Variants in EXOC3L1 observed in about 807,000 individuals in gnomAD.
EXOC3L1 encodes the protein exocyst complex component 3-like protein.
Under a neutral mutation model 83.6 loss-of-function variants are expected in EXOC3L1, and 79 were observed. That is an observed-to-expected ratio of 0.95 (90% CI 0.79 to 1.14). The LOEUF is 1.14. EXOC3L1 is among the 50% of genes most tolerant of loss of function. EXOC3L1 has a pLI of 0.00. For synonymous variants in EXOC3L1, 433 were observed against 451.2 expected (o/e 0.96, Z 0.51); for missense variants, 945 against 972.0 (o/e 0.97, Z 0.37).
rs548445228 is a variant in EXOC3L1 at position 67,184,457 on chromosome 16, C to T, written c.2178G>A (p.Ala726=). 11 of 1,528,594 alleles carry T rather than the reference C, an allele frequency of 7.2e-6. No homozygotes were observed. The highest frequency in any genetic ancestry group is 1.4e-5 in the African/African-American group (1 of 71,106). The allele number at this position is 1,528,594 out of a possible 1,614,324, so 94.7% of individuals were successfully genotyped here. A position where few individuals can be genotyped will look rare whatever the true frequency, so the allele number is the denominator to read the frequency against. Residue 726 remains alanine, a synonymous_variant, in exon 14 of 14, where the codon GCG becomes GCA. Coordinates refer to ENST00000314586, the MANE Select transcript of EXOC3L1 (RefSeq NM_178516.4). ...RVLFSLVPAP[A]LAPASCLPSG... ...AGGGCAGGCAGGAGGCCGGCGCGAG[C>T]GCGGGCGCGGGCACTAGGCTGAAGA... is the stretch of plus-strand genomic sequence containing the variant.
chr16:67,187,606 A>C lies in EXOC3L1; in HGVS notation c.659T>G (p.Leu220Trp). 6.2e-7 allele frequency: 1 copy of C among 1,608,410 alleles called. No individual in the cohort carries two copies. The highest frequency in any genetic ancestry group is 8.5e-7 in the Non-Finnish European group (1 of 1,178,598). The change falls in exon 5 of 14, where the codon TTG becomes TGG. Residue 220 changes from leucine (L) to tryptophan (W), a missense_variant. Physicochemically the swap from Leu to Trp is moderately conservative, Grantham distance 61. Coordinates refer to ENST00000314586, the MANE Select transcript of EXOC3L1 (RefSeq NM_178516.4). Reference sequence around the variant, plus strand: ...CTCCGCCACACGCACAGCAGCCACCAACAGGGCTGGGTCCTCCCGTGCCAG... The same window carrying C: ...CTCCGCCACACGCACAGCAGCCACCCACAGGGCTGGGTCCTCCCGTGCCAG... ...GKLAREDPAL[L>W]VAAVRVAEVE... is the part of the protein sequence containing the mutation.
Position 67,185,036 on chromosome 16 carries a change from G to T in EXOC3L1, c.1771C>A (p.Arg591Ser). 1.2e-6 allele frequency: 2 copies of T among 1,608,932 alleles called. No individual in the cohort carries two copies. Among genetic ancestry groups the T allele is most frequent in the Non-Finnish European group, 1.7e-6 (2 of 1,177,434 alleles). ...CTCAGGTACTGGAGCACCACGGCAC[G>T]CTCGGCCTCAGCCAGCAGCAGCTGC... ...TVQLLLAEAE[R>S]AVVLQYLSAL... Residue 591 changes from arginine to serine, a missense_variant, in exon 12 of 14, where the codon CGT becomes AGT. Physicochemically the swap from Arg to Ser is moderately radical, Grantham distance 110 (BLOSUM62 -1). Coordinates refer to ENST00000314586, the MANE Select transcript of EXOC3L1 (RefSeq NM_178516.4).
chr16:67,186,920 G>C (rs370554837), intron 6 of EXOC3L1, 36 bp from the exon 7 acceptor site: 1 of 1,613,140 alleles, frequency 6.2e-7, no homozygotes, highest in Non-Finnish European at 8.5e-7. Flanking sequence ...GAATGTAGCA[G>C]GGATCTGACC....
In EXOC3L1 at chr16:67,188,915, C is replaced by A; in HGVS notation, c.233G>T (p.Gly78Val). The A allele has an allele frequency of 6.2e-7, 1 of 1,613,138 alleles. No individual in the cohort carries two copies. Among genetic ancestry groups the A allele is most frequent in the Non-Finnish European group, 8.5e-7 (1 of 1,179,980 alleles). Residue 78 changes from glycine (G) to valine (V), a missense_variant, in exon 4 of 14, where the codon GGC becomes GTC. Gly to Val is a moderately radical substitution (Grantham distance 109). Transcript: ENST00000314586. The part of the protein sequence containing the change: ...LKSVMQSYLE[G>V]VQTGVWQLAQ... ...CAGCTGCCACACACCAGTCTGCACG[C>A]CTTCCAGGTATGACTGCATCACTGA...
At position 67,189,029 on chromosome 16, in the gene EXOC3L1, C is replaced by G; in HGVS notation, c.198G>C (p.Ser66=). ...CCTGCCCCATGCCCACCTTGAGGCG[C>G]GATTCCAGGGAGCAGGTACGCTGCA... ...REVQRTCSLE[S]RLKSVMQSYL... is the part of the protein sequence containing the mutation. The change falls in exon 3 of 14, where the codon TCG becomes TCC. Residue 66 remains serine (S), a synonymous_variant. Transcript: ENST00000314586. 1 of 1,604,036 alleles carries G rather than the reference C, an allele frequency of 6.2e-7. No individual in the cohort carries two copies. The highest frequency in any genetic ancestry group is 8.5e-7 in the Non-Finnish European group (1 of 1,173,858).
intron 4 of EXOC3L1, 86 bp from the exon 5 acceptor site, chr16:67,187,923 C>T (rs572281267): frequency 1.2e-4 from 183 of 1,466,836 alleles, no homozygotes; most frequent in Middle Eastern, 1.1e-3. Context: ...AGGCCCAGGG[C>T]GGGGGTGATG....
chr16:67,187,669 C>A lies in EXOC3L1; in HGVS notation c.596G>T (p.Gly199Val). 1 of 1,612,572 alleles carries A rather than the reference C, an allele frequency of 6.2e-7. No homozygotes were observed. The change falls in exon 5 of 14, where the codon GGC (glycine) becomes GTC (valine). Residue 199 changes from glycine (G) to valine (V), a missense_variant. By Grantham distance (109) the Gly-to-Val change is moderately radical. Coordinates refer to ENST00000314586, the MANE Select transcript of EXOC3L1 (RefSeq NM_178516.4). ...QGLDLLFEALGQAVEAAAGAA... is the reference protein window; with the variant it reads ...QGLDLLFEALVQAVEAAAGAA... Reference sequence around the variant, plus strand: ...CCCTGCAGCTGCTTCCACAGCCTGGCCCAGTGCCTCGAACAGAAGGTCCAG... The same window carrying A: ...CCCTGCAGCTGCTTCCACAGCCTGGACCAGTGCCTCGAACAGAAGGTCCAG...
Position 67,184,757 on chromosome 16 carries a change from C to T in EXOC3L1, c.1959G>A (p.Leu653=), listed in dbSNP as rs753120174. 5 of 1,593,202 alleles carry T rather than the reference C, an allele frequency of 3.1e-6. No individual in the cohort carries two copies. The Admixed American group carries it at 5.0e-5, about 16-fold the overall frequency. ...GCAGCGCGGGGTCGCGGAGGTTTAGCAGCTCCCTCAGGGCGAGCAGCACCG... is the reference window on the plus strand; with the variant it reads ...GCAGCGCGGGGTCGCGGAGGTTTAGTAGCTCCCTCAGGGCGAGCAGCACCG... The part of the protein sequence containing the change: ...CAPVLLALRE[L]LNLRDPALLG... Residue 653 remains leucine (L), a synonymous_variant, in exon 13 of 14, where the codon CTG becomes CTA. Transcript: ENST00000314586.
rs145591305 is a variant in EXOC3L1, at chr16:67,187,287, C to T, written c.978G>A (p.Gly326=). 642 of 1,612,954 alleles carry T rather than the reference C, an allele frequency of 4.0e-4. 4 individuals carry two copies. In the East Asian group the frequency reaches 0.014, roughly 34 times the overall value. ...AGGCATCCGCAGCTTCTAGCTCAGG[C>T]CCTGCAAGGAGGTTCTGCAGGCTGC... ...LRRSLQNLLA[G]PELEAADAFA... The change falls in exon 5 of 14, where the codon GGG becomes GGA. Residue 326 remains glycine (G), a synonymous_variant. Transcript: ENST00000314586.
chr16:67,188,661 G>A (rs2032796400), intron 4 of EXOC3L1, 60 bp downstream of exon 4: 1 of 1,501,068 alleles, frequency 6.7e-7, no homozygotes, highest in Non-Finnish European at 9.1e-7. Flanking sequence ...CCCTTGATTA[G>A]GGATGGGTGT....
Position 67,184,745 on chromosome 16 carries a change from G to A in EXOC3L1, c.1971C>T (p.Arg657=). ...CCTCCAGGCCCAGCAGCGCGGGGTC[G>A]CGGAGGTTTAGCAGCTCCCTCAGGG... ...LLALRELLNL[R]DPALLGLEVA... is the part of the protein sequence containing the mutation. Residue 657 remains arginine (R), a synonymous_variant, in exon 13 of 14, where the codon CGC becomes CGT. Transcript: ENST00000314586. The A allele has an allele frequency of 1.3e-6, 2 of 1,588,380 alleles. No individual in the cohort carries two copies. The highest frequency in any genetic ancestry group is 2.2e-5 in the South Asian group (2 of 89,820).
chr16:67,188,921 A>G lies in EXOC3L1; in HGVS notation c.227T>C (p.Leu76Pro). 6.2e-7 allele frequency: 1 copy of G among 1,613,056 alleles called. No individual in the cohort carries two copies. Among genetic ancestry groups the G allele is most frequent in the Non-Finnish European group, 8.5e-7 (1 of 1,179,950 alleles). The change falls in exon 4 of 14, where the codon CTG becomes CCG. Residue 76 changes from leucine to proline, a missense_variant. Transcript: ENST00000314586. ...SRLKSVMQSYLEGVQTGVWQL... is the reference protein window; with the variant it reads ...SRLKSVMQSYPEGVQTGVWQL... Reference sequence around the variant, plus strand: ...CCACACACCAGTCTGCACGCCTTCCAGGTATGACTGCATCACTGACTGTGG... The same window carrying G: ...CCACACACCAGTCTGCACGCCTTCCGGGTATGACTGCATCACTGACTGTGG...
Position 67,187,559 on chromosome 16 carries a change from G to C in EXOC3L1, c.706C>G (p.Pro236Ala). ...VAEVETGRTT[P>A]LGQVPRDWRQ... ...CAGTCCCGGGGGACCTGGCCCAGGGGGGTTGTTCGTCCAGTCTCCACCTCC... is the reference window on the plus strand; with the variant it reads ...CAGTCCCGGGGGACCTGGCCCAGGGCGGTTGTTCGTCCAGTCTCCACCTCC... The change falls in exon 5 of 14, where the codon CCC (proline) becomes GCC (alanine). Residue 236 changes from proline to alanine, a missense_variant. Transcript: ENST00000314586. 3 of 1,603,750 alleles carry C rather than the reference G, an allele frequency of 1.9e-6. No homozygotes were observed. Among genetic ancestry groups the C allele is most frequent in the Non-Finnish European group, 2.5e-6 (3 of 1,178,602 alleles).
chr16:67,184,530 G>C lies in EXOC3L1; in HGVS notation c.2105C>G (p.Ser702Cys), dbSNP rs1360589078. The C allele has an allele frequency of 6.6e-7, 1 of 1,525,726 alleles. No individual in the cohort carries two copies. Among genetic ancestry groups the C allele is most frequent in the African/African-American group, 1.4e-5 (1 of 71,608 alleles). The allele number at this position is 1,525,726 out of a possible 1,614,324, so 94.5% of individuals were successfully genotyped here. A position where few individuals can be genotyped will look rare whatever the true frequency, so the allele number is the denominator to read the frequency against. Residue 702 changes from serine (S) to cysteine (C), a missense_variant, in exon 14 of 14, where the codon TCC (serine) becomes TGC (cysteine). By Grantham distance (112) the Ser-to-Cys change is moderately radical. Coordinates refer to ENST00000314586, the MANE Select transcript of EXOC3L1 (RefSeq NM_178516.4). Reference sequence around the variant, plus strand: ...CGACGGCGGCAGCGCAGCCTGCAGGGAGCTGAGCGCGGCCAGGTGCTGCTC... The same window carrying C: ...CGACGGCGGCAGCGCAGCCTGCAGGCAGCTGAGCGCGGCCAGGTGCTGCTC... ...SREQHLAALSSLQAALPPSPR... is the reference protein window; with the variant it reads ...SREQHLAALSCLQAALPPSPR...
rs1234210622 is a variant in EXOC3L1 at position 67,188,908 on chromosome 16, C to T, written c.240G>A (p.Gln80=). The change falls in exon 4 of 14, where the codon CAG becomes CAA. Residue 80 remains glutamine (Q), a synonymous_variant. Coordinates refer to ENST00000314586, the MANE Select transcript of EXOC3L1 (RefSeq NM_178516.4). ...CCTGGGCCAGCTGCCACACACCAGT[C>T]TGCACGCCTTCCAGGTATGACTGCA... ...SVMQSYLEGV[Q]TGVWQLAQAI... is the part of the protein sequence containing the mutation. 4.3e-6 allele frequency: 7 copies of T among 1,613,128 alleles called. No individual in the cohort carries two copies. Among genetic ancestry groups the T allele is most frequent in the Admixed American group, 1.7e-5 (1 of 60,022 alleles).
rs1318356468 is a variant in EXOC3L1, at chr16:67,189,127, G to A, written c.100C>T (p.Leu34Phe). 6.2e-6 allele frequency: 10 copies of A among 1,607,848 alleles called. No homozygotes were observed. The highest frequency in any genetic ancestry group is 1.7e-4 in the Middle Eastern group (1 of 5,968). The change falls in exon 3 of 14, where the codon CTC becomes TTC. Residue 34 changes from leucine (L) to phenylalanine (F), a missense_variant. Physicochemically the swap from Leu to Phe is conservative, Grantham distance 22. Coordinates refer to ENST00000314586, the MANE Select transcript of EXOC3L1 (RefSeq NM_178516.4). ...RAEQLARGAA[L>F]KWASGIFYRP... The stretch of plus-strand genomic sequence containing the variant: ...TAGAAGATGCCTGAGGCCCACTTGA[G>A]CGCTGCACCCCGGGCCAGCTGCTCT...
chr16:67,184,787 G>A lies in EXOC3L1; in HGVS notation c.1929C>T (p.Cys643=). 1 of 1,600,256 alleles carries A rather than the reference G, an allele frequency of 6.2e-7. No individual in the cohort carries two copies. The highest frequency in any genetic ancestry group is 8.5e-7 in the Non-Finnish European group (1 of 1,178,380). ...CCCTCAGGGCGAGCAGCACCGGCGC[G>A]CAGTGCGCGTTCTCCTCCAGGCCCT... ...LSLGLEENAH[C]APVLLALREL... Residue 643 remains cysteine (C), a synonymous_variant, in exon 13 of 14, where the codon TGC becomes TGT. Coordinates refer to ENST00000314586, the MANE Select transcript of EXOC3L1 (RefSeq NM_178516.4).
Position 67,189,142 on chromosome 16 carries a change from C to G in EXOC3L1, c.85G>C (p.Ala29Pro). The G allele has an allele frequency of 2.5e-6, 4 of 1,606,990 alleles. No individual in the cohort carries two copies. Among genetic ancestry groups the G allele is most frequent in the Non-Finnish European group, 3.4e-6 (4 of 1,179,328 alleles). The change falls in exon 3 of 14, where the codon GCC becomes CCC. Residue 29 changes from alanine (A) to proline (P), a missense_variant. Ala to Pro is a conservative substitution (Grantham distance 27). Coordinates refer to ENST00000314586, the MANE Select transcript of EXOC3L1 (RefSeq NM_178516.4). ...GCCCACTTGAGCGCTGCACCCCGGG[C>G]CAGCTGCTCTGCCCGCTCCTGCTCT... ...WPEQERAEQL[A>P]RGAALKWASG...
intron 8 of EXOC3L1, 47 bp downstream of exon 8, chr16:67,186,510 T>TG (rs1567684218): frequency 1.3e-6 from 2 of 1,591,836 alleles, no homozygotes; most frequent in East Asian, 2.2e-5. Context: ...TTGGGCTGCC[T>TG]GGGGAGCAGG....
Sources: gnomAD v4.1 joint callset for allele counts on GRCh38, gnomAD v4.1.1 for gene constraint, MANE v1.5 for transcripts, NCBI Gene and HGNC (gene_info 2026-07-23, HGNC 2026-07-21) for gene names.